The following ATP9B variants were observed in gnomAD, a reference collection of about 807,000 sequenced individuals.
ATP9B encodes ATPase phospholipid transporting 9B, also known as probable phospholipid-transporting ATPase IIB.
A neutral mutation model predicts 146.1 loss-of-function variants in ATP9B; 110 were observed. The observed-to-expected ratio is 0.75, with a 90% CI of 0.65 to 0.88. The LOEUF is 0.88. ATP9B is among the 40% of genes least tolerant of loss of function. The pLI is 0.00. For synonymous variants in ATP9B, 604 were observed against 569.7 expected (o/e 1.06, Z -0.86); for missense variants, 1,499 against 1,496.4 (o/e 1.00, Z -0.03).
rs62101126 is a variant in ATP9B, at chr18:79,187,820, C to T, written c.874-5363C>T. Among the ~76,000 whole-genome samples the T allele has an allele frequency of 1.4e-3, 210 of 152,202 alleles. 1 individual carries two copies. The highest frequency in any genetic ancestry group is 1.9e-3 in the Non-Finnish European group (132 of 68,012). On this transcript the variant is annotated intron_variant, in intron 8 of 29. Coordinates refer to ENST00000426216, the MANE Select transcript of ATP9B (RefSeq NM_198531.5). ...TTTACAAATTTGTATGGTAATGACTCACATAGATTAAAATAGAAAAATGAA... is the reference window on the plus strand; with the variant it reads ...TTTACAAATTTGTATGGTAATGACTTACATAGATTAAAATAGAAAAATGAA...
At chr18:79,371,370 TAAAAAAAAAA>T (rs59110010) in intron 26 of ATP9B, among the ~76,000 whole-genome samples, 10 of 98,116 alleles carry the variant, frequency 1.0e-4, no homozygotes, top group Middle Eastern at 0.013. Context: ...GACTCCGTCT[TAAAAAAAAAA>T]AAAAAAAAAA....
intron 13 of ATP9B, among the ~76,000 whole-genome samples, chr18:79,287,048 G>A (rs1425657609): frequency 2.0e-5 from 3 of 152,168 alleles, no homozygotes; most frequent in Non-Finnish European, 4.4e-5. Flanking sequence ...GCTTGCATCA[G>A]TGTTCATCAA....
chr18:79,287,421 A>G (rs1266437139), intron 13 of ATP9B, among the ~76,000 whole-genome samples: 2 of 152,336 alleles, frequency 1.3e-5, no homozygotes, highest in African/African-American at 4.8e-5. Context: ...TGTTTGTAGT[A>G]TTCTCTGATG....
chr18:79,166,113 G>T (rs1328990888), intron 7 of ATP9B, among the ~76,000 whole-genome samples: 1 of 152,164 alleles, frequency 6.6e-6, no homozygotes, highest in African/African-American at 2.4e-5. Flanking sequence ...GGTCCTAAGT[G>T]CTGAGATGTC....
intron 7 of ATP9B, among the ~76,000 whole-genome samples, chr18:79,161,854 A>G (rs2036901423): frequency 1.3e-5 from 2 of 152,230 alleles, no homozygotes; most frequent in Admixed American, 6.5e-5. Context: ...TCAAAAAAAA[A>G]GAAGTCAGAT....
chr18:79,112,891 C>G (rs895212416), intron 3 of ATP9B, among the ~76,000 whole-genome samples: 3 of 151,996 alleles, frequency 2.0e-5, no homozygotes, highest in Non-Finnish European at 2.9e-5. Context: ...GTTTTGCTAT[C>G]TAACTTTTTT....
chr18:79,311,493 A>G (rs1034742484), intron 15 of ATP9B, among the ~76,000 whole-genome samples: 4 of 152,232 alleles, frequency 2.6e-5, no homozygotes, highest in Non-Finnish European at 5.9e-5. Context: ...TATTCGACAA[A>G]GTATAAGCCA....
chr18:79,230,226 C>T (rs1174435403), intron 11 of ATP9B, among the ~76,000 whole-genome samples: 3 of 152,092 alleles, frequency 2.0e-5, no homozygotes, highest in African/African-American at 7.2e-5. Context: ...AGCAATCGGA[C>T]AAGAGAAAGA....
At chr18:79,080,660 G>A (rs2073148594) in intron 1 of ATP9B, among the ~76,000 whole-genome samples, 1 of 152,146 alleles carries the variant, frequency 6.6e-6, no homozygotes, top group Non-Finnish European at 1.5e-5. Flanking sequence ...ATACTATGTT[G>A]AATAGGAGTG....
At chr18:79,278,421 G>T (rs2096338321) in intron 13 of ATP9B, among the ~76,000 whole-genome samples, 1 of 152,164 alleles carries the variant, frequency 6.6e-6, no homozygotes, top group African/African-American at 2.4e-5. Flanking sequence ...GATATTCTTT[G>T]TGTTAGCTGA....
At chr18:79,342,907 ATT>A (rs2096867056) in intron 20 of ATP9B, among the ~76,000 whole-genome samples, 1 of 152,222 alleles carries the variant, frequency 6.6e-6, no homozygotes, top group Admixed American at 6.5e-5. Context: ...AATCACTGCC[ATT>A]TTCAGAGCAA....
intron 8 of ATP9B, among the ~76,000 whole-genome samples, chr18:79,179,317 A>G (rs776120451): frequency 5.3e-5 from 8 of 151,814 alleles, no homozygotes; most frequent in Non-Finnish European, 1.0e-4. Flanking sequence ...TTCATTCTAC[A>G]TAGTTTATAA....
intron 14 of ATP9B, 92 bp downstream of exon 14, chr18:79,303,808 G>T: frequency 1.3e-6 from 1 of 799,340 alleles, no homozygotes; most frequent in African/African-American, 1.7e-5. Context: ...CTGTAAATTA[G>T]CACGCTTCTT....
chr18:79,083,865 CT>C lies in ATP9B; in HGVS notation c.120-12595del, dbSNP rs60063648. On this transcript the variant is annotated intron_variant, in intron 1 of 29. Coordinates refer to ENST00000426216, the MANE Select transcript of ATP9B (RefSeq NM_198531.5). ...AGCTGTTCCTATTGACCATCTTCTT[CT>C]TTTTTTTTTTTTTTTGAGAGGGAGT... is the stretch of plus-strand genomic sequence containing the variant. Among the ~76,000 whole-genome samples the C allele has an allele frequency of 3.6e-3, 503 of 139,210 alleles. 3 individuals are homozygous for C. Among genetic ancestry groups the C allele is most frequent in the East Asian group, 0.019 (93 of 4,818 alleles). The allele number at this position is 139,210 out of a possible 152,430, so 91.3% of individuals were successfully genotyped here.
intron 1 of ATP9B, chr18:79,086,278 G>A (rs7239038): frequency 0.39 from 58,572 of 151,262 alleles, 11,766 homozygotes; most frequent in East Asian, 0.52. Context: ...TGTACTAAAA[G>A]TGTAAAAATT....
intron 6 of ATP9B, among the ~76,000 whole-genome samples, chr18:79,151,351 A>G (rs2094685842): frequency 6.6e-6 from 1 of 152,140 alleles, no homozygotes; most frequent in Non-Finnish European, 1.5e-5. Context: ...TTTTGGCCCC[A>G]TGTTCTTTAT....
rs138054878 is a variant in ATP9B, at chr18:79,331,028, A to C, written c.2028+924A>C. Among the ~76,000 whole-genome samples, 393 of 152,352 alleles carry C rather than the reference A, an allele frequency of 2.6e-3. 3 individuals are homozygous for C. The highest frequency in any genetic ancestry group is 9.1e-3 in the African/African-American group (377 of 41,584). On this transcript the variant is annotated intron_variant, in intron 17 of 29. Coordinates refer to ENST00000426216, the MANE Select transcript of ATP9B (RefSeq NM_198531.5). ...TCCCATATTTCATTAAATTCTCCTG[A>C]AGTAAATAGGATTTGTAGGTAGCCT...
intron 13 of ATP9B, among the ~76,000 whole-genome samples, chr18:79,279,102 C>T (rs940983261): frequency 3.3e-5 from 5 of 152,178 alleles, no homozygotes; most frequent in Non-Finnish European, 7.3e-5. Flanking sequence ...ATCAGGCCAC[C>T]GTGAGCGGCG....
chr18:79,248,064 G>A (rs369288536), intron 11 of ATP9B, among the ~76,000 whole-genome samples: 1 of 152,064 alleles, frequency 6.6e-6, no homozygotes, highest in East Asian at 1.9e-4. Flanking sequence ...GACTATAATG[G>A]CCAAAAGAAA....
Sources: gnomAD v4.1 joint callset for allele counts (sites outside exome capture counted in the v4.1 genomes callset) on GRCh38, gnomAD v4.1.1 for gene constraint, MANE v1.5 for transcripts, NCBI Gene and HGNC (gene_info 2026-07-23, HGNC 2026-07-21) for gene names.